CTCF: variants seen among roughly 807,000 people sequenced by gnomAD.
The protein encoded by CTCF is transcriptional repressor CTCF.
Under a neutral mutation model 72.3 loss-of-function variants are expected in CTCF, and 7 were observed. The ratio of observed to expected loss-of-function variants is 0.10; its 90% CI spans 0.06 to 0.18. CTCF has a LOEUF of 0.18. CTCF is among the 10% of genes least tolerant of loss of function. The probability of loss-of-function intolerance (pLI) is 1.00; values close to 1 mark genes in which losing one functional copy is unlikely to be tolerated. For missense variants in CTCF, 516 were observed against 949.1 expected (o/e 0.54, Z 6.00); for synonymous variants, 374 against 315.8 (o/e 1.18, Z -1.95).
At chr16:67,569,725 G>C (rs1036360412) in intron 1 of CTCF, among the ~76,000 whole-genome samples, 2 of 149,684 alleles carry the variant, frequency 1.3e-5, no homozygotes, top group African/African-American at 2.5e-5. Context: ...TAGCTCTGTC[G>C]CCCAGGCTGG....
intron 5 of CTCF, 95 bp downstream of exon 5, chr16:67,616,973 A>T: frequency 7.7e-7 from 1 of 1,291,832 alleles, no homozygotes; most frequent in African/African-American, 1.5e-5. Flanking sequence ...ACTTAAGATG[A>T]GGTAGAAAAA....
chr16:67,620,643 C>T (rs1438603443), intron 5 of CTCF, 54 bp from the exon 6 acceptor site: 5 of 1,454,638 alleles, frequency 3.4e-6, no homozygotes, highest in Non-Finnish European at 4.6e-6. Context: ...CTACTGTGCT[C>T]TTGTTACAGT....
At chr16:67,579,309 A>C (rs1016901130) in intron 2 of CTCF, among the ~76,000 whole-genome samples, 1 of 152,008 alleles carries the variant, frequency 6.6e-6, no homozygotes, top group Admixed American at 6.6e-5. Context: ...GTAGCTTACT[A>C]TACACGTTGT....
chr16:67,588,290 A>G (rs750651646), intron 2 of CTCF, among the ~76,000 whole-genome samples: 3 of 152,230 alleles, frequency 2.0e-5, no homozygotes, highest in East Asian at 1.9e-4. Context: ...GTTTATTCCT[A>G]TTTTGTAATA....
chr16:67,569,944 C>A (rs933293744), intron 1 of CTCF, among the ~76,000 whole-genome samples: 1 of 152,064 alleles, frequency 6.6e-6, no homozygotes, highest in African/African-American at 2.4e-5. Context: ...CCTTGGCTTC[C>A]CCAGTTATCT....
chr16:67,614,368 A>G (rs774043866), intron 4 of CTCF: 78 of 151,010 alleles, frequency 5.2e-4, no homozygotes, highest in African/African-American at 1.2e-3. Context: ...AAAAAAAAAA[A>G]GATGTTGTAG....
chr16:67,617,480 CAG>C (rs1268921189), intron 5 of CTCF, among the ~76,000 whole-genome samples: 1 of 151,916 alleles, frequency 6.6e-6, no homozygotes, highest in Non-Finnish European at 1.5e-5. Flanking sequence ...GCCTGGGCGA[CAG>C]AGCGAGACTC....
chr16:67,629,293 T>C, intron 9 of CTCF, 105 bp from the exon 10 acceptor site: 1 of 1,061,140 alleles, frequency 9.4e-7, no homozygotes, highest in East Asian at 2.5e-5. Context: ...ACTTAGCAGA[T>C]ACTAGAATTT....
At chr16:67,606,312 CCTG>C (rs1450896634) in intron 2 of CTCF, among the ~76,000 whole-genome samples, 3 of 152,226 alleles carry the variant, frequency 2.0e-5, no homozygotes, top group Non-Finnish European at 4.4e-5. Flanking sequence ...CTTTAAATGT[CCTG>C]CTCACGTTTC....
At chr16:67,581,606 C>T (rs1417051730) in intron 2 of CTCF, among the ~76,000 whole-genome samples, 5 of 152,046 alleles carry the variant, frequency 3.3e-5, no homozygotes, top group Non-Finnish European at 5.9e-5. Context: ...CAGGTTCAAG[C>T]GATTCTCCTT....
intron 10 of CTCF, 31 bp downstream of exon 10, chr16:67,629,564 A>G (rs369447483): frequency 2.5e-6 from 4 of 1,608,540 alleles, no homozygotes; most frequent in African/African-American, 2.7e-5. Context: ...TTTGCTTACT[A>G]TGGCAGGCTT....
At chr16:67,611,835 TTA>T in intron 3 of CTCF, 114 bp from the exon 4 acceptor site, 5 of 1,006,896 alleles carry the variant, frequency 5.0e-6, no homozygotes, top group Non-Finnish European at 7.6e-6. Context: ...TAATTATGAC[TTA>T]TATTGGGTTT....
At chr16:67,569,697 T>C (rs2051386976) in intron 1 of CTCF, among the ~76,000 whole-genome samples, 1 of 151,990 alleles carries the variant, frequency 6.6e-6, no homozygotes, top group Non-Finnish European at 1.5e-5. Flanking sequence ...CTTTTTTTTT[T>C]TTTAATGAGA....
At chr16:67,616,503 G>A (rs1045883253) in intron 4 of CTCF, 9 of 465,692 alleles carry the variant, frequency 1.9e-5, no homozygotes, top group East Asian at 1.3e-4. Flanking sequence ...CAAAGGCAGC[G>A]GATTCAGATG....
chr16:67,622,504 C>T (rs1312957782), intron 7 of CTCF, among the ~76,000 whole-genome samples: 1 of 152,050 alleles, frequency 6.6e-6, no homozygotes, highest in Non-Finnish European at 1.5e-5. Context: ...ATTCATGATC[C>T]CAAATGTAGC....
chr16:67,615,350 C>G (rs987342860), intron 4 of CTCF: 1 of 152,260 alleles, frequency 6.6e-6, no homozygotes, highest in African/African-American at 2.4e-5. Context: ...CATGGTGGCT[C>G]ACAACCTGTA....
In CTCF at chr16:67,579,313, A is replaced by G. The variant is rs961277925; in HGVS notation, c.-10+8049A>G. ...AAGCACAAATAGTAGCTTACTATAC[A>G]CGTTGTTCTAGACGTTTGAGTTGTT... is the stretch of plus-strand genomic sequence containing the variant. On this transcript the variant is annotated intron_variant, in intron 2 of 11. Coordinates refer to ENST00000264010, the MANE Select transcript of CTCF (RefSeq NM_006565.4). Among the ~76,000 whole-genome samples, 9 of 151,938 alleles carry G rather than the reference A, an allele frequency of 5.9e-5. No homozygotes were observed. The South Asian group carries it at 1.9e-3, about 32-fold the overall frequency.
At chr16:67,594,062 T>TA in intron 2 of CTCF, among the ~76,000 whole-genome samples, 1 of 152,204 alleles carries the variant, frequency 6.6e-6, no homozygotes, top group East Asian at 1.9e-4. Flanking sequence ...GGCAGGATTT[T>TA]AAAAAATCTA....
Position 67,629,495 on chromosome 16 carries a change from G to A in CTCF, c.1799G>A (p.Arg600Lys), listed in dbSNP as rs2142869759. ...ETKKSKRGRKRKMRSKKEDSS... is the reference protein window; with the variant it reads ...ETKKSKRGRKKKMRSKKEDSS... ...AAGAAGAGTAAACGTGGAAGAAAAA[G>A]AAAGATGCGCTCTAAGAAAGAAGAT... Residue 600 changes from arginine (R) to lysine (K), a missense_variant, in exon 10 of 12, where the codon AGA (arginine) becomes AAA (lysine). Transcript: ENST00000264010. The A allele has an allele frequency of 6.2e-7, 1 of 1,613,726 alleles. No homozygotes were observed.
Sources: gnomAD v4.1 joint callset for allele counts (sites outside exome capture counted in the v4.1 genomes callset) on GRCh38, gnomAD v4.1.1 for gene constraint, MANE v1.5 for transcripts, NCBI Gene and HGNC (gene_info 2026-07-23, HGNC 2026-07-21) for gene names.